PTPRD: variants seen among roughly 807,000 people sequenced by gnomAD.
The protein encoded by PTPRD is protein tyrosine phosphatase receptor type D.
A neutral mutation model predicts 214.5 loss-of-function variants in PTPRD; 34 were observed. The observed-to-expected ratio is 0.16, with a 90% CI of 0.12 to 0.21. PTPRD has a LOEUF of 0.21. Ranked by LOEUF, PTPRD falls within the 10% of genes least tolerant of loss-of-function variation. PTPRD has a pLI of 1.00. For missense variants in PTPRD, 2,545 were observed against 2,398.7 expected (o/e 1.06, Z -1.27); for synonymous variants, 1,128 against 845.7 (o/e 1.33, Z -5.79).
chr9:8,519,420 C>T (rs923506041), intron 20 of PTPRD, among the ~76,000 whole-genome samples: 3 of 152,116 alleles, frequency 2.0e-5, no homozygotes, highest in Non-Finnish European at 2.9e-5. Context: ...GATTCTGAAA[C>T]GCAGTGCTAT....
At chr9:9,436,720 T>G (rs966158354) in intron 8 of PTPRD, among the ~76,000 whole-genome samples, 4 of 152,142 alleles carry the variant, frequency 2.6e-5, no homozygotes, top group Non-Finnish European at 5.9e-5. Flanking sequence ...GTTGGAATAT[T>G]TTATGAACAT....
chr9:9,759,918 T>C (rs2098636345), intron 6 of PTPRD, among the ~76,000 whole-genome samples: 1 of 152,162 alleles, frequency 6.6e-6, no homozygotes, highest in South Asian at 2.1e-4. Context: ...TAAACAAATA[T>C]GCTCTATTCT....
intron 2 of PTPRD, among the ~76,000 whole-genome samples, chr9:10,528,649 C>T (rs1284739329): frequency 2.0e-5 from 3 of 152,156 alleles, no homozygotes; most frequent in Non-Finnish European, 4.4e-5. Context: ...AAATGGCATG[C>T]ACATAAGTTG....
At chr9:9,109,544 G>C (rs773717739) in intron 10 of PTPRD, among the ~76,000 whole-genome samples, 2 of 152,114 alleles carry the variant, frequency 1.3e-5, no homozygotes, top group Non-Finnish European at 2.9e-5. Context: ...TCAACGAATA[G>C]TGGCCATCAA....
chr9:9,799,186 T>C (rs1404248818), intron 5 of PTPRD, among the ~76,000 whole-genome samples: 5 of 152,086 alleles, frequency 3.3e-5, no homozygotes, highest in African/African-American at 1.2e-4. Flanking sequence ...ATGAGATAGG[T>C]TTGTAGTCAG....
At chr9:9,441,286 A>G (rs567077943) in intron 8 of PTPRD, among the ~76,000 whole-genome samples, 4 of 152,306 alleles carry the variant, frequency 2.6e-5, no homozygotes, top group Admixed American at 1.3e-4. Flanking sequence ...AGTGAGGTGC[A>G]GGAGGGTATG....
intron 3 of PTPRD, among the ~76,000 whole-genome samples, chr9:10,034,927 C>A (rs1387050974): frequency 1.3e-5 from 2 of 152,000 alleles, no homozygotes; most frequent in Admixed American, 1.3e-4. Flanking sequence ...AATTCATATT[C>A]CTTTGAGTAT....
At chr9:10,107,939 G>T (rs1375253498) in intron 3 of PTPRD, among the ~76,000 whole-genome samples, 1 of 152,064 alleles carries the variant, frequency 6.6e-6, no homozygotes, top group African/African-American at 2.4e-5. Flanking sequence ...TTTCTTTAGT[G>T]TAAAAGTCAT....
chr9:10,446,350 G>A (rs1430934061), intron 2 of PTPRD, among the ~76,000 whole-genome samples: 2 of 150,196 alleles, frequency 1.3e-5, no homozygotes, highest in Non-Finnish European at 3.0e-5. Context: ...GTTAGGAAGA[G>A]ATGAATATAA....
At chr9:9,397,377 T>TA (rs2068302870) in intron 9 of PTPRD, 72 bp downstream of exon 9, 1 of 152,398 alleles carries the variant, frequency 6.6e-6, no homozygotes, top group African/African-American at 2.4e-5. Flanking sequence ...GTTTTATAGG[T>TA]AAAATAAAAC....
At chr9:8,582,182 T>G (rs1182293692) in intron 14 of PTPRD, among the ~76,000 whole-genome samples, 1 of 152,042 alleles carries the variant, frequency 6.6e-6, no homozygotes, top group East Asian at 1.9e-4. Context: ...GAGAGAAAGG[T>G]TGGGACTAGC....
chr9:8,321,284 C>T (rs1016158913), intron 44 of PTPRD, among the ~76,000 whole-genome samples: 12 of 150,990 alleles, frequency 7.9e-5, no homozygotes, highest in African/African-American at 2.7e-4. Flanking sequence ...TTTGATAGCT[C>T]GAATGCAACA....
chr9:8,824,138 G>T (rs1267404120), intron 11 of PTPRD, among the ~76,000 whole-genome samples: 1 of 152,104 alleles, frequency 6.6e-6, no homozygotes, highest in Non-Finnish European at 1.5e-5. Flanking sequence ...AGGTTTTCAT[G>T]GCCTGTATTT....
At chr9:10,029,880 C>A (rs1297071228) in intron 4 of PTPRD, among the ~76,000 whole-genome samples, 3 of 151,996 alleles carry the variant, frequency 2.0e-5, no homozygotes, top group Admixed American at 2.0e-4. Flanking sequence ...TTGGCTGTGT[C>A]CCCACTCAAA....
At chr9:9,315,034 T>G (rs1961833283) in intron 9 of PTPRD, among the ~76,000 whole-genome samples, 3 of 152,050 alleles carry the variant, frequency 2.0e-5, no homozygotes, top group Admixed American at 2.0e-4. Flanking sequence ...CACCTAGATT[T>G]TATTTATTTT....
At chr9:9,556,550 C>A (rs114268868) in intron 8 of PTPRD, among the ~76,000 whole-genome samples, 138 of 152,264 alleles carry the variant, frequency 9.1e-4, no homozygotes, top group Admixed American at 2.0e-3. Flanking sequence ...ATCTAACTTG[C>A]CCCCAATTTT....
intron 2 of PTPRD, among the ~76,000 whole-genome samples, chr9:10,455,573 T>G (rs2098906784): frequency 6.6e-6 from 1 of 151,768 alleles, no homozygotes; most frequent in Non-Finnish European, 1.5e-5. Context: ...ACAGTAGTTT[T>G]TAATTCCTTT....
intron 2 of PTPRD, among the ~76,000 whole-genome samples, chr9:10,349,053 T>C (rs1167010263): frequency 1.3e-5 from 2 of 152,020 alleles, no homozygotes; most frequent in Admixed American, 6.5e-5. Flanking sequence ...CAAATGCATA[T>C]CTGATTGTTT....
intron 3 of PTPRD, among the ~76,000 whole-genome samples, chr9:10,050,507 C>A (rs2097511790): frequency 7.8e-6 from 1 of 128,230 alleles, no homozygotes; most frequent in South Asian, 2.5e-4. Flanking sequence ...TTGCAGTGAG[C>A]CGAAATAGTG....
Sources: gnomAD v4.1 joint callset for allele counts (sites outside exome capture counted in the v4.1 genomes callset) on GRCh38, gnomAD v4.1.1 for gene constraint, MANE v1.5 for transcripts, NCBI Gene and HGNC (gene_info 2026-07-23, HGNC 2026-07-21) for gene names.